ENTPD1: variants seen among roughly 807,000 people sequenced by gnomAD.
ENTPD1 encodes ATP diphosphohydrolase.
ENTPD1 carries 33 observed loss-of-function variants against 57.0 expected under a neutral mutation model. The ratio of observed to expected loss-of-function variants is 0.58; its 90% CI spans 0.44 to 0.77. ENTPD1 has a LOEUF of 0.77. Among genes scored for constraint, ENTPD1 ranks in the 30% least tolerant of loss-of-function variants. The pLI, the probability that ENTPD1 is intolerant of heterozygous loss-of-function variation, is 0.00. For synonymous variants in ENTPD1, 202 were observed against 218.8 expected, an observed-to-expected ratio of 0.92 and a Z score of 0.68; for missense variants, 501 against 603.4, an observed-to-expected ratio of 0.83 and a Z score of 1.78.
intron 1 of ENTPD1, among the ~76,000 whole-genome samples, chr10:95,801,570 A>T (rs1361809112): frequency 6.6e-6 from 1 of 150,630 alleles, no homozygotes; most frequent in Admixed American, 6.6e-5. Flanking sequence ...TTTTATTTTT[A>T]TTTATTTATT....
intron 1 of ENTPD1, among the ~76,000 whole-genome samples, chr10:95,808,456 T>G (rs1333491885): frequency 6.6e-6 from 1 of 152,200 alleles, no homozygotes; most frequent in Non-Finnish European, 1.5e-5. Flanking sequence ...TAGGGTGAAG[T>G]CCCTCTTCCC....
chr10:95,756,051 G>C, upstream of ENTPD1: 1 of 1,482,830 alleles, frequency 6.7e-7, no homozygotes, highest in African/African-American at 1.4e-5. Context: ...GTCCTTTCTA[G>C]TCAATGAAAA....
At chr10:95,702,293 A>T in the ENTPD1 span, among the ~76,000 whole-genome samples, 2 of 152,156 alleles carry the variant, frequency 1.3e-5, no homozygotes, top group African/African-American at 4.8e-5. Flanking sequence ...TTCACCAGAG[A>T]CTGAAACCTA....
chr10:95,747,677 G>A (rs569103540), intron 1 of ENTPD1, among the ~76,000 whole-genome samples: 23 of 152,288 alleles, frequency 1.5e-4, no homozygotes, highest in African/African-American at 5.5e-4. Context: ...ATTGGACATT[G>A]TGTATGGTCC....
At chr10:95,694,604 A>T in the ENTPD1 span, among the ~76,000 whole-genome samples, 1 of 152,182 alleles carries the variant, frequency 6.6e-6, no homozygotes, top group Non-Finnish European at 1.5e-5. Flanking sequence ...GAAAATAGGG[A>T]GAGAAAGAAT....
chr10:95,865,506 G>A (rs925096000), intron 9 of ENTPD1, among the ~76,000 whole-genome samples: 3 of 152,180 alleles, frequency 2.0e-5, no homozygotes, highest in Non-Finnish European at 2.9e-5. Flanking sequence ...ATGCTCACTA[G>A]TGGGGAAAAC....
intron 1 of ENTPD1, among the ~76,000 whole-genome samples, chr10:95,745,606 C>T (rs2098005187): frequency 6.6e-6 from 1 of 152,246 alleles, no homozygotes; most frequent in East Asian, 1.9e-4. Context: ...TTCAACAGAA[C>T]ATTTATGTAA....
chr10:95,818,290 G>A (rs1259284407), intron 1 of ENTPD1, among the ~76,000 whole-genome samples: 3 of 152,200 alleles, frequency 2.0e-5, no homozygotes, highest in Non-Finnish European at 4.4e-5. Flanking sequence ...TTACATTCTA[G>A]TAGTCATAAT....
chr10:95,707,954 T>C (rs531772835), upstream of ENTPD1, among the ~76,000 whole-genome samples: 4 of 152,170 alleles, frequency 2.6e-5, no homozygotes, highest in Admixed American at 6.5e-5. Flanking sequence ...ATTTATGCGT[T>C]GTTCTGTATT....
At chr10:95,758,365 A>G (rs542204927) in intron 1 of ENTPD1, among the ~76,000 whole-genome samples, 6 of 152,232 alleles carry the variant, frequency 3.9e-5, no homozygotes, top group Non-Finnish European at 8.8e-5. Flanking sequence ...TAAGGACTGA[A>G]TGAGGGATTC....
In ENTPD1 at chr10:95,868,840, T is replaced by G. The variant is rs79752606; in HGVS notation, c.*2457T>G. On this transcript the variant is annotated 3_prime_UTR_variant, in exon 10 of 10. Transcript: ENST00000371205. ...TTCCTGTTTGGTTGCCTACGTCCAA[T>G]CTCCCCCTCCCCAGAGATGCCAAAA... The G allele has an allele frequency of 5.0e-4, 497 of 985,088 alleles. 10 individuals carry two copies. In the East Asian group the frequency reaches 0.038, roughly 76 times the overall value. The allele number at this position is 985,088 out of a possible 1,614,324, so 61.0% of individuals were successfully genotyped here.
intron 7 of ENTPD1, among the ~76,000 whole-genome samples, chr10:95,855,097 C>T (rs761240428): frequency 2.7e-4 from 41 of 152,202 alleles, no homozygotes; most frequent in Non-Finnish European, 4.6e-4. Flanking sequence ...TCACTAAGGA[C>T]TTGCTTTATG....
the ENTPD1 span, among the ~76,000 whole-genome samples, chr10:95,705,751 C>T: frequency 1.3e-5 from 2 of 152,332 alleles, no homozygotes; most frequent in African/African-American, 4.8e-5. Context: ...CTTGGCCTCC[C>T]AAAGTGCTGG....
Position 95,839,722 on chromosome 10 carries a change from A to T in ENTPD1, c.176A>T (p.His59Leu), listed in dbSNP as rs758239988. ...YGIVLDAGSS[H>L]TSLYIYKWPA... ...ATTGTGCTGGATGCGGGTTCTTCTC[A>T]CACAAGTTTATACATCTATAAGTGG... Residue 59 changes from histidine (H) to leucine (L), a missense_variant, in exon 3 of 10, where the codon CAC (histidine) becomes CTC (leucine). Coordinates refer to ENST00000371205, the MANE Select transcript of ENTPD1 (RefSeq NM_001776.6). The T allele has an allele frequency of 1.2e-6, 2 of 1,614,138 alleles. No homozygotes were observed. The highest frequency in any genetic ancestry group is 3.3e-5 in the Admixed American group (2 of 60,016).
Position 95,756,248 on chromosome 10 carries a change from T to C in ENTPD1, c.9T>C (p.Asp3=). The C allele has an allele frequency of 6.3e-7, 1 of 1,592,400 alleles. No individual in the cohort carries two copies. The highest frequency in any genetic ancestry group is 8.6e-7 in the Non-Finnish European group (1 of 1,169,026). ...AACAAAAGCTGCTACTTATGGAAGA[T>C]ACAAAGGGTAAGACCAAAATTGATT... is the stretch of plus-strand genomic sequence containing the variant. ME[D]TKESNVKTFC... is the part of the protein sequence containing the mutation. Residue 3 remains aspartate, a synonymous_variant, in exon 1 of 10, where the codon GAT becomes GAC. Transcript: ENST00000371205.
At position 95,873,009 on chromosome 10, in the gene ENTPD1, T is replaced by A. The variant is rs1471214819; in HGVS notation, c.*6626T>A. 1.8e-5 allele frequency: 18 copies of A among 982,238 alleles called. No homozygotes were observed. Among genetic ancestry groups the A allele is most frequent in the Non-Finnish European group, 1.9e-5 (16 of 827,216 alleles). The allele number at this position is 982,238 out of a possible 1,614,324, so 60.8% of individuals were successfully genotyped here. A position where few individuals can be genotyped will look rare whatever the true frequency, so the allele number is the denominator to read the frequency against. On this transcript the variant is annotated 3_prime_UTR_variant, in exon 10 of 10. Coordinates refer to ENST00000371205, the MANE Select transcript of ENTPD1 (RefSeq NM_001776.6). ...CCTTAAAAGATCATGCATCTCAAAA[T>A]TTAATGTACATACAAATTACCCAGG...
intron 9 of ENTPD1, among the ~76,000 whole-genome samples, chr10:95,865,324 T>C (rs1192008512): frequency 6.6e-6 from 1 of 152,180 alleles, no homozygotes; most frequent in African/African-American, 2.4e-5. Flanking sequence ...TGGCTGTGAA[T>C]GATGAGACCG....
chr10:95,724,373 G>A (rs527482484), intron 1 of ENTPD1, among the ~76,000 whole-genome samples: 1 of 152,172 alleles, frequency 6.6e-6, no homozygotes, highest in African/African-American at 2.4e-5. Flanking sequence ...TGTTACCGGG[G>A]CGGGGTGGTC....
Position 95,868,384 on chromosome 10 carries a change from T to TG in ENTPD1, c.*2002dup. On this transcript the variant is annotated 3_prime_UTR_variant, in exon 10 of 10. Transcript: ENST00000371205. ...ATAGGCTTGTAATTTAATATCATTC[T>TG]GTTCATGTGCTTTGGATGGAAGCAC... The TG allele has an allele frequency of 1.0e-6, 1 of 985,472 alleles. No individual in the cohort carries two copies. 61.0% of individuals were successfully genotyped at this position (985,472 alleles called of 1,614,324 possible).
Sources: gnomAD v4.1 joint callset for allele counts (sites outside exome capture counted in the v4.1 genomes callset) on GRCh38, gnomAD v4.1.1 for gene constraint, MANE v1.5 for transcripts, NCBI Gene and HGNC (gene_info 2026-07-23, HGNC 2026-07-21) for gene names.